Variants in PLEKHG4B observed in about 807,000 individuals in gnomAD.
PLEKHG4B encodes pleckstrin homology and RhoGEF domain containing G4B, also known as pleckstrin homology domain-containing family G member 4B.
PLEKHG4B carries 111 observed loss-of-function variants against 121.3 expected under a neutral mutation model. That is an observed-to-expected ratio of 0.92 (90% CI 0.78 to 1.07). The LOEUF (loss-of-function observed/expected upper bound fraction) is 1.07, where lower values mean the gene tolerates loss of function less well. Among genes scored for constraint, PLEKHG4B ranks in the 50% least tolerant of loss-of-function variants. The probability of loss-of-function intolerance (pLI) is 0.00; values close to 1 mark genes in which losing one functional copy is unlikely to be tolerated. For missense variants in PLEKHG4B, 1,831 were observed against 1,757.8 expected (o/e 1.04, Z -0.74); for synonymous variants, 738 against 725.0 (o/e 1.02, Z -0.29).
intron 12 of PLEKHG4B, 23 bp downstream of exon 12, chr5:161,967 G>A (rs774919739): frequency 1.9e-5 from 31 of 1,590,066 alleles, no homozygotes; most frequent in South Asian, 3.4e-5. Flanking sequence ...GTGGGCGTGC[G>A]TCCCAGGGAT....
rs116268208 is a variant in PLEKHG4B at position 175,104 on chromosome 5, G to A, written c.4402+1006G>A. ...CGAACATAAGGCACTGCGGCAACCC[G>A]AGAGAGTCCCCCGCAGGTCTGGTTC... On this transcript the variant is annotated intron_variant, in intron 18 of 19. Transcript: ENST00000637938. Among the ~76,000 whole-genome samples, 789 of 152,192 alleles carry A rather than the reference G, an allele frequency of 5.2e-3. 6 individuals are homozygous for A. Among genetic ancestry groups the A allele is most frequent in the African/African-American group, 0.018 (745 of 41,524 alleles).
At chr5:92,774 T>G (rs1017047530) in intron 1 of PLEKHG4B, among the ~76,000 whole-genome samples, 1 of 152,050 alleles carries the variant, frequency 6.6e-6, no homozygotes, top group Admixed American at 6.5e-5. Context: ...TGAGAGTTGC[T>G]AAGTTACTCT....
At chr5:127,777 C>A (rs1734663291) in intron 2 of PLEKHG4B, among the ~76,000 whole-genome samples, 1 of 152,168 alleles carries the variant, frequency 6.6e-6, no homozygotes, top group South Asian at 2.1e-4. Flanking sequence ...CTGAGCCAAA[C>A]ATGAGTGACT....
chr5:165,008 TCA>T (rs1393779807), intron 13 of PLEKHG4B, among the ~76,000 whole-genome samples: 1 of 57,826 alleles, frequency 1.7e-5, no homozygotes, highest in East Asian at 3.3e-4. Context: ...GGGGCAGGGC[TCA>T]CAGTAATGCT....
intron 13 of PLEKHG4B, chr5:169,050 A>G (rs905713084): frequency 5.5e-6 from 2 of 366,072 alleles, no homozygotes; most frequent in Non-Finnish European, 1.0e-5. Context: ...TAATTTTTGT[A>G]TTTTGAGTAG....
rs1733692086 is a variant in PLEKHG4B at position 188,530 on chromosome 5, AT to A, written c.*6208del. 5 of 152,230 alleles carry A rather than the reference AT, an allele frequency of 3.3e-5. No individual in the cohort carries two copies. The highest frequency in any genetic ancestry group is 3.3e-4 in the Admixed American group (5 of 15,282). The allele number at this position is 152,230 out of a possible 1,614,324, so 9.4% of individuals were successfully genotyped here. A position where few individuals can be genotyped will look rare whatever the true frequency, so the allele number is the denominator to read the frequency against. The stretch of plus-strand genomic sequence containing the variant: ...GTTCTGTGTGCCTGTGACATAGAGA[AT>A]GTTTTCCACACCGCGTGTGAAATGA... On this transcript the variant is annotated 3_prime_UTR_variant, in exon 20 of 20. Transcript: ENST00000637938.
rs145641639 is a variant in PLEKHG4B, at chr5:105,750, T to A, written c.46-7501T>A. ...AGACCTGAGAAGCTGTACATCTAAT[T>A]AAGCCGACACATTTTGAGGACTTTT... On this transcript the variant is annotated intron_variant, in intron 1 of 19. Coordinates refer to ENST00000637938, the MANE Select transcript of PLEKHG4B (RefSeq NM_052909.5). 3.2e-3 allele frequency among the ~76,000 whole-genome samples: 483 copies of A among 152,348 alleles called. 7 individuals are homozygous for A. The highest frequency in any genetic ancestry group is 0.011 in the African/African-American group (459 of 41,580).
In PLEKHG4B at chr5:110,173, C is replaced by T. The variant is rs369695115; in HGVS notation, c.46-3078C>T. 5.2e-3 allele frequency among the ~76,000 whole-genome samples: 754 copies of T among 145,430 alleles called. 10 individuals are homozygous for T. The highest frequency in any genetic ancestry group is 0.018 in the African/African-American group (711 of 39,104). ...ACATCCAGTCTGCAACACGTGCACA[C>T]ACCGGCCACTCTGCAACGCACATGC... is the stretch of plus-strand genomic sequence containing the variant. On this transcript the variant is annotated intron_variant, in intron 1 of 19. Transcript: ENST00000637938.
chr5:155,392 A>G lies in PLEKHG4B; in HGVS notation c.2157A>G (p.Leu719=). The change falls in exon 9 of 20, where the codon CTA becomes CTG. Residue 719 remains leucine, a synonymous_variant. Transcript: ENST00000637938. ...ACTGTGAAGAAGCCATCATTTTCCTACAGAATTCATTCTGCTCCCTGAACA... is the reference window on the plus strand; with the variant it reads ...ACTGTGAAGAAGCCATCATTTTCCTGCAGAATTCATTCTGCTCCCTGAACA... The part of the protein sequence containing the change: ...AANCEEAIIF[L]QNSFCSLNTH... 1 of 1,614,180 alleles carries G rather than the reference A, an allele frequency of 6.2e-7. No individual in the cohort carries two copies. The highest frequency in any genetic ancestry group is 8.5e-7 in the Non-Finnish European group (1 of 1,180,026).
intron 2 of PLEKHG4B, among the ~76,000 whole-genome samples, chr5:127,134 G>A (rs374475283): frequency 3.9e-5 from 6 of 152,100 alleles, no homozygotes; most frequent in East Asian, 1.9e-4. Context: ...TCTTATTGGC[G>A]CAACTGCCAG....
At position 170,280 on chromosome 5, in the gene PLEKHG4B, G is replaced by A. The variant is rs115711196; in HGVS notation, c.3729+688G>A. ...GAAAACAGCCGTGGACAAAAGAAGC[G>A]CATGTTACATCTTTTCAGTGTTTCC... On this transcript the variant is annotated intron_variant, in intron 14 of 19. Transcript: ENST00000637938. Among the ~76,000 whole-genome samples, 330 of 152,196 alleles carry A rather than the reference G, an allele frequency of 2.2e-3. 2 individuals are homozygous for A. Among genetic ancestry groups the A allele is most frequent in the African/African-American group, 7.3e-3 (305 of 41,520 alleles).
chr5:144,033 T>G, intron 5 of PLEKHG4B: 1 of 156,608 alleles, frequency 6.4e-6, no homozygotes, highest in Non-Finnish European at 1.4e-5. Context: ...AGCCTCAATC[T>G]CCTGGGCTAA....
chr5:142,355 A>C (rs1301664109), intron 3 of PLEKHG4B, among the ~76,000 whole-genome samples: 7 of 151,954 alleles, frequency 4.6e-5, no homozygotes, highest in Admixed American at 1.3e-4. Flanking sequence ...ACATGATCAC[A>C]TGCTCGAGTT....
At chr5:107,981 C>T (rs944894233) in intron 1 of PLEKHG4B, among the ~76,000 whole-genome samples, 1 of 152,130 alleles carries the variant, frequency 6.6e-6, no homozygotes. Context: ...CACATAGGCT[C>T]AGGGAATTAG....
At chr5:123,959 G>A (rs147290675) in intron 2 of PLEKHG4B, among the ~76,000 whole-genome samples, 213 of 151,488 alleles carry the variant, frequency 1.4e-3, no homozygotes, top group African/African-American at 4.8e-3. Context: ...GTTGATTTGC[G>A]ATCTTTACTT....
intron 1 of PLEKHG4B, among the ~76,000 whole-genome samples, chr5:111,185 G>A (rs920143588): frequency 1.2e-4 from 18 of 152,260 alleles, no homozygotes; most frequent in African/African-American, 4.3e-4. Flanking sequence ...AAAGGACACA[G>A]GACTCAGGAG....
intron 2 of PLEKHG4B, among the ~76,000 whole-genome samples, chr5:130,061 AAGAGAGAGTG>A (rs942624266): frequency 2.7e-5 from 4 of 150,354 alleles, no homozygotes; most frequent in Non-Finnish European, 5.9e-5. Context: ...AGTGAATATG[AAGAGAGAGTG>A]AGAGAGAGAG....
In PLEKHG4B at chr5:159,094, T is replaced by A. The variant is rs1476749654; in HGVS notation, c.2487+2183T>A. 6.6e-6 allele frequency among the ~76,000 whole-genome samples: 1 copy of A among 151,094 alleles called. No individual in the cohort carries two copies. The highest frequency in any genetic ancestry group is 1.5e-5 in the Non-Finnish European group (1 of 67,758). On this transcript the variant is annotated intron_variant, in intron 11 of 19. Coordinates refer to ENST00000637938, the MANE Select transcript of PLEKHG4B (RefSeq NM_052909.5). The surrounding 1 kb of genome is among the most constrained non-coding windows in gnomAD (Gnocchi z 5.5). Reference sequence around the variant, plus strand: ...CTGCTTCTCGGTGGAAGCCACAGACTTTCCTGTCGTCCTCGGGGCTCTGGA... The same window carrying A: ...CTGCTTCTCGGTGGAAGCCACAGACATTCCTGTCGTCCTCGGGGCTCTGGA...
intron 1 of PLEKHG4B, among the ~76,000 whole-genome samples, chr5:92,502 G>A (rs1454548600): frequency 1.6e-5 from 2 of 128,146 alleles, no homozygotes; most frequent in Non-Finnish European, 3.4e-5. Flanking sequence ...GGGGCGGGGT[G>A]AAGGCGCGAG....
Sources: gnomAD v4.1 joint callset for allele counts (sites outside exome capture counted in the v4.1 genomes callset) on GRCh38, gnomAD v4.1.1 for gene constraint, Gnocchi (gnomAD v3.1) non-coding constraint, MANE v1.5 for transcripts, NCBI Gene and HGNC (gene_info 2026-07-23, HGNC 2026-07-21) for gene names.